The following ETV1 variants were observed in gnomAD, a reference collection of about 807,000 sequenced individuals.
ETV1 encodes the protein ETS translocation variant 1.
ETV1 carries 27 observed loss-of-function variants against 62.3 expected under a neutral mutation model. The observed-to-expected ratio is 0.43, with a 90% CI of 0.32 to 0.60. The LOEUF (loss-of-function observed/expected upper bound fraction) is 0.60, where lower values mean the gene tolerates loss of function less well. Among genes scored for constraint, ETV1 ranks in the 20% least tolerant of loss-of-function variants. The pLI is 0.06. For synonymous variants in ETV1, 222 were observed against 199.6 expected, an observed-to-expected ratio of 1.11 and a Z score of -0.94; for missense variants, 605 against 605.8, an observed-to-expected ratio of 1.00 and a Z score of 0.01.
In ETV1 at chr7:13,935,732, T is replaced by G; in HGVS notation, c.530A>C (p.Asp177Ala). Residue 177 changes from aspartate to alanine, a missense_variant, in exon 8 of 14, where the codon GAT becomes GCT. Asp to Ala is a moderately radical substitution (Grantham distance 126). Transcript: ENST00000430479. ...CCTGTGGTCCATGGGGTAGCTGCTA[T>G]CTGGTATGGACTGCGATGGAGGGAG... ...AHLPPSQSIPDSSYPMDHRFR... is the reference protein window; with the variant it reads ...AHLPPSQSIPASSYPMDHRFR... The G allele has an allele frequency of 6.2e-7, 1 of 1,613,896 alleles. No individual in the cohort carries two copies. The highest frequency in any genetic ancestry group is 8.5e-7 in the Non-Finnish European group (1 of 1,179,864).
chr7:13,976,159 T>C (rs967005878), intron 6 of ETV1, among the ~76,000 whole-genome samples: 1 of 152,200 alleles, frequency 6.6e-6, no homozygotes, highest in Admixed American at 6.5e-5. Flanking sequence ...TATACAGTTT[T>C]CTTCTCGGAT....
At chr7:13,918,753 T>A (rs978393245) in intron 9 of ETV1, among the ~76,000 whole-genome samples, 1 of 151,398 alleles carries the variant, frequency 6.6e-6, no homozygotes, top group East Asian at 2.0e-4. Flanking sequence ...AGGGATAGCA[T>A]TGGGAGATAT....
intron 9 of ETV1, among the ~76,000 whole-genome samples, chr7:13,917,219 G>C (rs1054666340): frequency 2.0e-5 from 3 of 151,996 alleles, no homozygotes; most frequent in East Asian, 1.9e-4. Flanking sequence ...GCCTGTGATA[G>C]TCTTACTAAG....
At chr7:13,969,186 T>C (rs924981177) in intron 6 of ETV1, among the ~76,000 whole-genome samples, 2 of 152,162 alleles carry the variant, frequency 1.3e-5, no homozygotes, top group African/African-American at 4.8e-5. Context: ...CCTTCTAAAC[T>C]AGAATTGGTT....
intron 10 of ETV1, chr7:13,910,474 C>T (rs1783451814): frequency 4.1e-6 from 2 of 482,624 alleles, no homozygotes; most frequent in Non-Finnish European, 2.7e-6. Flanking sequence ...TTGTGCAAAA[C>T]TTTTAATTTC....
In ETV1 at chr7:13,891,481, G is replaced by A. The variant is rs1781379894; in HGVS notation, c.*4385C>T. The stretch of plus-strand genomic sequence containing the variant: ...AACAATAGCCACGGTATATACACTT[G>A]TAACTGAAAATTCTGAAATCATTAA... On this transcript the variant is annotated 3_prime_UTR_variant, in exon 14 of 14. Coordinates refer to ENST00000430479, the MANE Select transcript of ETV1 (RefSeq NM_004956.5). The A allele has an allele frequency of 1.7e-5, 4 of 231,280 alleles. No individual in the cohort carries two copies. The East Asian group carries it at 2.5e-4, about 14-fold the overall frequency. 14.3% of individuals were successfully genotyped at this position (231,280 alleles called of 1,614,324 possible). A position where few individuals can be genotyped will look rare whatever the true frequency, so the allele number is the denominator to read the frequency against.
In ETV1 at chr7:13,935,715, C is replaced by A. The variant is rs1334842844; in HGVS notation, c.547G>T (p.Asp183Tyr). Reference protein sequence around the residue: ...QSIPDSSYPMDHRFRRQLSEP... With the variant: ...QSIPDSSYPMYHRFRRQLSEP... Reference sequence around the variant, plus strand: ...CTGGTATCTGCAGGTTACCTGTGGTCCATGGGGTAGCTGCTATCTGGTATG... The same window carrying A: ...CTGGTATCTGCAGGTTACCTGTGGTACATGGGGTAGCTGCTATCTGGTATG... Residue 183 changes from aspartate to tyrosine, a missense_variant, in exon 8 of 14, where the codon GAC becomes TAC. Transcript: ENST00000430479. 4.3e-6 allele frequency: 7 copies of A among 1,613,392 alleles called. No individual in the cohort carries two copies. The Admixed American group carries it at 1.0e-4, about 23-fold the overall frequency.
intron 4 of ETV1, 71 bp downstream of exon 4, chr7:13,988,015 G>T: frequency 2.4e-6 from 2 of 825,850 alleles, no homozygotes; most frequent in South Asian, 1.4e-5. Context: ...AGACTGAAGT[G>T]CTCCTTTTCT....
intron 6 of ETV1, among the ~76,000 whole-genome samples, chr7:13,961,209 T>C (rs1790130947): frequency 6.6e-6 from 1 of 152,034 alleles, no homozygotes; most frequent in East Asian, 1.9e-4. Flanking sequence ...TGCACTAATA[T>C]TTGTGAAATA....
At chr7:13,963,222 C>A (rs1323559607) in intron 6 of ETV1, among the ~76,000 whole-genome samples, 1 of 151,968 alleles carries the variant, frequency 6.6e-6, no homozygotes, top group Admixed American at 6.6e-5. Flanking sequence ...GTATTGTATT[C>A]ATCTTTCAGT....
At position 13,931,489 on chromosome 7, in the gene ETV1, A is replaced by G. The variant is rs1786152121; in HGVS notation, c.802+13T>C. 7 of 1,613,822 alleles carry G rather than the reference A, an allele frequency of 4.3e-6. No homozygotes were observed. Among genetic ancestry groups the G allele is most frequent in the Non-Finnish European group, 5.9e-6 (7 of 1,179,800 alleles). On this transcript the variant is annotated intron_variant, in intron 9 of 13. Transcript: ENST00000430479. Reference sequence around the variant, plus strand: ...AGTGCCTTGAATGTAATTTGCGCAGAGCGCAGGCCTACCTGAGTCATATGC... The same window carrying G: ...AGTGCCTTGAATGTAATTTGCGCAGGGCGCAGGCCTACCTGAGTCATATGC...
chr7:13,957,623 C>A (rs1229850393), intron 6 of ETV1, among the ~76,000 whole-genome samples: 2 of 152,146 alleles, frequency 1.3e-5, no homozygotes, highest in African/African-American at 4.8e-5. Context: ...TTATTTTCTG[C>A]ATTATAATCT....
At chr7:13,901,296 C>T (rs114813667) in intron 12 of ETV1, among the ~76,000 whole-genome samples, 7,921 of 152,230 alleles carry the variant, frequency 0.052, 242 homozygotes, top group South Asian at 0.11. Flanking sequence ...TAAGCCACTG[C>T]GCCTGGCCTG....
chr7:13,899,201 G>A (rs1782148903), intron 13 of ETV1, among the ~76,000 whole-genome samples: 1 of 152,152 alleles, frequency 6.6e-6, no homozygotes, highest in Non-Finnish European at 1.5e-5. Flanking sequence ...AGATGGTGGT[G>A]AAAAGAAAGG....
chr7:13,911,505 T>C (rs1385906394), intron 9 of ETV1, among the ~76,000 whole-genome samples, 198 bp from the exon 10 acceptor site: 1 of 152,180 alleles, frequency 6.6e-6, no homozygotes, highest in Non-Finnish European at 1.5e-5. Context: ...TGGTGAATGC[T>C]GATTCTCTTG....
intron 6 of ETV1, among the ~76,000 whole-genome samples, chr7:13,943,156 G>A (rs1210182814): frequency 6.6e-6 from 1 of 152,120 alleles, no homozygotes; most frequent in Non-Finnish European, 1.5e-5. Context: ...TAAAAAATGG[G>A]CAAAAAGTCT....
intron 6 of ETV1, among the ~76,000 whole-genome samples, chr7:13,948,520 A>G (rs1368357339): frequency 6.6e-6 from 1 of 152,230 alleles, no homozygotes; most frequent in African/African-American, 2.4e-5. Context: ...GTTCTAGAAC[A>G]GAGGCTGGCA....
intron 6 of ETV1, among the ~76,000 whole-genome samples, chr7:13,960,620 C>G (rs1305793190): frequency 6.6e-6 from 1 of 151,950 alleles, no homozygotes; most frequent in Non-Finnish European, 1.5e-5. Flanking sequence ...ATTTGTAAAT[C>G]TATAAAACTT....
chr7:13,964,492 G>C (rs1790551016), intron 6 of ETV1, among the ~76,000 whole-genome samples: 2 of 152,036 alleles, frequency 1.3e-5, no homozygotes, highest in Non-Finnish European at 2.9e-5. Flanking sequence ...CTTGGTATTG[G>C]TTTATAGATC....
Sources: allele counts gnomAD v4.1 joint callset (sites outside exome capture counted in the v4.1 genomes callset), GRCh38; gene constraint gnomAD v4.1.1; transcripts MANE v1.5; gene names NCBI Gene and HGNC (gene_info 2026-07-23, HGNC 2026-07-21).